Variants in DCAF6 observed in about 807,000 individuals in gnomAD.
DCAF6 encodes the protein DDB1 and CUL4 associated factor 6.
In DCAF6, 54 loss-of-function variants were observed where a neutral mutation model predicts 125.1. That is an observed-to-expected ratio of 0.43 (90% CI 0.35 to 0.54). The LOEUF (loss-of-function observed/expected upper bound fraction) is 0.54. Ranked by LOEUF, DCAF6 falls within the 20% of genes least tolerant of loss-of-function variation. The pLI, the probability that DCAF6 is intolerant of heterozygous loss-of-function variation, is 0.01. For missense variants in DCAF6, 934 were observed against 1,161.7 expected, an observed-to-expected ratio of 0.80 and a Z score of 2.85; for synonymous variants, 371 against 390.4, an observed-to-expected ratio of 0.95 and a Z score of 0.58.
chr1:167,993,134 A>G, intron 6 of DCAF6, 92 bp from the exon 7 acceptor site: 1 of 1,079,116 alleles, frequency 9.3e-7, no homozygotes, highest in Non-Finnish European at 1.3e-6. Context: ...TTGCTACATT[A>G]AGTCACATGT....
rs1291760842 is a variant in DCAF6 at position 168,056,279 on chromosome 1, G to C, written c.2300+5346G>C. ...GTTTCTCTGTGAATTTACGCACCGA[G>C]AGCAGAGCGGGTCCAGTGCGTAGCG... On this transcript the variant is annotated intron_variant, in intron 17 of 21. Coordinates refer to ENST00000367840, the MANE Select transcript of DCAF6 (RefSeq NM_001198956.2). 2.5e-6 allele frequency: 4 copies of C among 1,610,296 alleles called. No homozygotes were observed. The South Asian group carries it at 4.4e-5, about 18-fold the overall frequency.
chr1:167,898,805 G>A, the DCAF6 span, among the ~76,000 whole-genome samples: 1 of 152,032 alleles, frequency 6.6e-6, no homozygotes, highest in East Asian at 1.9e-4. Context: ...TCTTTCTGCC[G>A]CGTAGTCCCA....
intron 1 of DCAF6, among the ~76,000 whole-genome samples, chr1:167,947,123 A>C (rs1374250472): frequency 6.6e-6 from 1 of 152,056 alleles, no homozygotes; most frequent in East Asian, 1.9e-4. Context: ...TTTTCTGGGA[A>C]TGTATCTATT....
the DCAF6 span, chr1:167,896,565 C>T: frequency 3.9e-6 from 6 of 1,554,508 alleles, no homozygotes; most frequent in Non-Finnish European, 5.3e-6. Context: ...CTGGTAGAGG[C>T]AAAGGCATTT....
the DCAF6 span, among the ~76,000 whole-genome samples, chr1:167,913,026 A>C: frequency 6.6e-6 from 1 of 152,228 alleles, no homozygotes; most frequent in Non-Finnish European, 1.5e-5. Context: ...TATGACCTAG[A>C]CAAAAGATGT....
chr1:167,875,354 T>C, the DCAF6 span, among the ~76,000 whole-genome samples: 1 of 152,358 alleles, frequency 6.6e-6, no homozygotes, highest in Admixed American at 6.5e-5. Context: ...CGAGAAGGTC[T>C]GACTTGGTAG....
chr1:168,013,870 C>T (rs553353133), intron 10 of DCAF6, among the ~76,000 whole-genome samples: 16 of 152,018 alleles, frequency 1.1e-4, no homozygotes, highest in African/African-American at 2.9e-4. Flanking sequence ...CTCAGCCTCC[C>T]GAGGGGCCAC....
intron 18 of DCAF6, chr1:168,064,079 ATT>A (rs11295034): frequency 0.032 from 2,993 of 92,484 alleles, 97 homozygotes; most frequent in African/African-American, 0.11. Flanking sequence ...TTTCTGGTGG[ATT>A]TTTTTTTTTT....
intron 1 of DCAF6, among the ~76,000 whole-genome samples, chr1:167,937,738 TGCA>T (rs1162167087): frequency 6.6e-6 from 1 of 151,798 alleles, no homozygotes; most frequent in African/African-American, 2.4e-5. Flanking sequence ...TTTTTCGTTT[TGCA>T]TAACATTTTT....
Position 168,071,031 on chromosome 1 carries a change from C to G in DCAF6, c.2791+2568C>G, listed in dbSNP as rs534476304. ...TTGAGATCACAATCACTTATTAAATCGTTCACAGATTGACTCCCTCAGTAA... is the reference window on the plus strand; with the variant it reads ...TTGAGATCACAATCACTTATTAAATGGTTCACAGATTGACTCCCTCAGTAA... On this transcript the variant is annotated intron_variant, in intron 21 of 21. Transcript: ENST00000367840. 9.3e-4 allele frequency among the ~76,000 whole-genome samples: 142 copies of G among 152,286 alleles called. 1 individual carries two copies. The highest frequency in any genetic ancestry group is 3.2e-3 in the African/African-American group (134 of 41,550).
At chr1:168,065,974 T>A (rs904536352) in intron 19 of DCAF6, among the ~76,000 whole-genome samples, 1 of 152,194 alleles carries the variant, frequency 6.6e-6, no homozygotes, top group African/African-American at 2.4e-5. Flanking sequence ...CAATATTTCT[T>A]CTAAGTTTTA....
the DCAF6 span, among the ~76,000 whole-genome samples, chr1:167,928,484 A>T: frequency 6.6e-6 from 1 of 152,248 alleles, no homozygotes; most frequent in Admixed American, 6.5e-5. Flanking sequence ...AGACATATAT[A>T]AAACAGATAC....
intron 2 of DCAF6, among the ~76,000 whole-genome samples, chr1:167,953,478 C>A (rs1032488113): frequency 2.6e-5 from 4 of 151,864 alleles, no homozygotes; most frequent in Admixed American, 6.6e-5. Flanking sequence ...GCATATTGGA[C>A]CAAAAAAATA....
At chr1:167,871,860 G>A in the DCAF6 span, among the ~76,000 whole-genome samples, 2,478 of 152,120 alleles carry the variant, frequency 0.016, 242 homozygotes, top group East Asian at 0.27. Context: ...CCTCAATTTC[G>A]TGAGATGTTT....
chr1:167,913,820 T>C, the DCAF6 span, among the ~76,000 whole-genome samples: 2 of 152,214 alleles, frequency 1.3e-5, no homozygotes, highest in Non-Finnish European at 2.9e-5. Flanking sequence ...TCTAAGCTCA[T>C]GTAAGGGACT....
the DCAF6 span, among the ~76,000 whole-genome samples, chr1:167,908,186 A>C: frequency 6.6e-6 from 1 of 152,246 alleles, no homozygotes; most frequent in African/African-American, 2.4e-5. Context: ...TAAAGAAAAC[A>C]TTGGATAATG....
At chr1:168,067,150 A>T (rs906788392) in intron 20 of DCAF6, among the ~76,000 whole-genome samples, 1 of 152,190 alleles carries the variant, frequency 6.6e-6, no homozygotes. Context: ...ATCCATTGCT[A>T]AAAATGTTAG....
chr1:168,055,907 C>A (rs1272633736), intron 17 of DCAF6: 35 of 1,533,840 alleles, frequency 2.3e-5, no homozygotes, highest in Non-Finnish European at 3.1e-5. Context: ...ATTTTCACTC[C>A]TCAATAGATT....
chr1:168,026,457 G>T (rs553327214), intron 12 of DCAF6, among the ~76,000 whole-genome samples: 4 of 152,232 alleles, frequency 2.6e-5, no homozygotes, highest in African/African-American at 9.6e-5. Context: ...CCAAGAACAC[G>T]TAAGAGGCCA....
Sources: gnomAD v4.1 joint callset for allele counts (sites outside exome capture counted in the v4.1 genomes callset) on GRCh38, gnomAD v4.1.1 for gene constraint, MANE v1.5 for transcripts, NCBI Gene and HGNC (gene_info 2026-07-23, HGNC 2026-07-21) for gene names.